HEMK2: variants seen among roughly 807,000 people sequenced by gnomAD.
HEMK2 encodes the protein methyltransferase HEMK2.
the HEMK2 span, among the ~76,000 whole-genome samples, chr21:28,698,690 C>T: frequency 1.3e-5 from 2 of 152,134 alleles, no homozygotes; most frequent in South Asian, 2.1e-4. Context: ...ATTTTTTCTA[C>T]TCCATCTCCT....
chr21:28,693,443 T>C, the HEMK2 span, among the ~76,000 whole-genome samples: 1 of 152,176 alleles, frequency 6.6e-6, no homozygotes. Context: ...GATTCACTTT[T>C]AAGCCCGATC....
At chr21:28,778,385 T>C in the HEMK2 span, among the ~76,000 whole-genome samples, 1 of 152,260 alleles carries the variant, frequency 6.6e-6, no homozygotes, top group African/African-American at 2.4e-5. Flanking sequence ...CAAGCTTTTA[T>C]ACACATTCAT....
chr21:28,866,633 T>C, the HEMK2 span, among the ~76,000 whole-genome samples: 1 of 151,934 alleles, frequency 6.6e-6, no homozygotes, highest in South Asian at 2.1e-4. Flanking sequence ...CTTGGGAGGC[T>C]GAGGCATGAG....
At chr21:28,846,884 G>C in the HEMK2 span, among the ~76,000 whole-genome samples, 1 of 152,036 alleles carries the variant, frequency 6.6e-6, no homozygotes, top group Admixed American at 6.6e-5. Flanking sequence ...AGAGTATGTG[G>C]CATTTGTTTT....
At chr21:28,848,959 C>T in the HEMK2 span, among the ~76,000 whole-genome samples, 2 of 152,310 alleles carry the variant, frequency 1.3e-5, no homozygotes, top group South Asian at 4.1e-4. Flanking sequence ...AGGAACTCTG[C>T]AGCCCCACTC....
At chr21:28,648,625 T>C in the HEMK2 span, among the ~76,000 whole-genome samples, 12 of 152,314 alleles carry the variant, frequency 7.9e-5, no homozygotes, top group East Asian at 1.9e-3. Flanking sequence ...GATCATTTAG[T>C]TCAACCTTGA....
the HEMK2 span, among the ~76,000 whole-genome samples, chr21:28,841,163 AAT>A: frequency 3.4e-5 from 1 of 29,714 alleles, no homozygotes; most frequent in Admixed American, 7.0e-4. Context: ...ATTTATATAT[AAT>A]ATATAATATA....
chr21:28,613,658 A>G, the HEMK2 span, among the ~76,000 whole-genome samples: 1 of 119,224 alleles, frequency 8.4e-6, no homozygotes, highest in Non-Finnish European at 1.6e-5. Context: ...GCCCTTAACC[A>G]AAACCAGGAC....
the HEMK2 span, among the ~76,000 whole-genome samples, chr21:28,661,733 C>T: frequency 2.0e-5 from 3 of 152,108 alleles, no homozygotes; most frequent in African/African-American, 7.2e-5. Flanking sequence ...ATGACAGAAA[C>T]GTTCTGTATC....
At chr21:28,610,534 T>C in the HEMK2 span, among the ~76,000 whole-genome samples, 1 of 152,016 alleles carries the variant, frequency 6.6e-6, no homozygotes, top group South Asian at 2.1e-4. Flanking sequence ...ACATGATAAT[T>C]AGAATAGTAT....
chr21:28,646,968 T>C, the HEMK2 span, among the ~76,000 whole-genome samples: 24 of 152,224 alleles, frequency 1.6e-4, 1 homozygote, highest in Non-Finnish European at 1.0e-4. Flanking sequence ...AATAGGCTCC[T>C]GTTCTTAATA....
chr21:28,838,642 T>C, the HEMK2 span, among the ~76,000 whole-genome samples: 1 of 146,088 alleles, frequency 6.8e-6, no homozygotes, highest in South Asian at 2.2e-4. Context: ...TCCAACAATA[T>C]ATAAAAAAGA....
chr21:28,681,058 T>C, the HEMK2 span, among the ~76,000 whole-genome samples: 2 of 152,006 alleles, frequency 1.3e-5, no homozygotes, highest in African/African-American at 4.8e-5. Flanking sequence ...CCAGGGCAAT[T>C]AGGCAGGAGA....
the HEMK2 span, among the ~76,000 whole-genome samples, chr21:28,694,688 T>G: frequency 5.9e-5 from 9 of 151,944 alleles, no homozygotes; most frequent in South Asian, 1.9e-3. Flanking sequence ...GTTCTTGGAG[T>G]AATTACTTTT....
chr21:28,678,228 T>G, the HEMK2 span, among the ~76,000 whole-genome samples: 1 of 152,092 alleles, frequency 6.6e-6, no homozygotes, highest in African/African-American at 2.4e-5. Context: ...AACCAAGGCA[T>G]GAGAACTACA....
the HEMK2 span, among the ~76,000 whole-genome samples, chr21:28,857,605 A>AGAC: frequency 6.6e-6 from 1 of 152,174 alleles, no homozygotes; most frequent in African/African-American, 2.4e-5. Context: ...TACTCTTCAT[A>AGAC]AACTGTTCCT....
chr21:28,873,386 G>A, the HEMK2 span: 1 of 152,192 alleles, frequency 6.6e-6, no homozygotes, highest in Non-Finnish European at 1.5e-5. Context: ...AAATATGGAG[G>A]ACATACTTAT....
the HEMK2 span, among the ~76,000 whole-genome samples, chr21:28,615,627 T>C: frequency 7.9e-5 from 12 of 151,984 alleles, no homozygotes; most frequent in African/African-American, 2.9e-4. Context: ...ATTTCCCTTC[T>C]GGTTATTTCA....
chr21:28,727,731 G>T, the HEMK2 span, among the ~76,000 whole-genome samples: 70,571 of 152,114 alleles, frequency 0.46, 18,109 homozygotes, highest in East Asian at 0.84. Flanking sequence ...AGGTAAATTT[G>T]ATGTTCAAAT....
Sources: gnomAD v4.1 joint callset for allele counts (sites outside exome capture counted in the v4.1 genomes callset) on GRCh38, gnomAD v4.1.1 for gene constraint, MANE v1.5 for transcripts, NCBI Gene and HGNC (gene_info 2026-07-23, HGNC 2026-07-21) for gene names.